The following ZNF707 variants were observed in gnomAD, a reference collection of about 807,000 sequenced individuals.
The protein encoded by ZNF707 is zinc finger protein 707.
A neutral mutation model predicts 13.3 loss-of-function variants in ZNF707; 8 were observed. The observed-to-expected ratio is 0.60, with a 90% CI of 0.35 to 1.09. ZNF707 has a LOEUF of 1.09. ZNF707 is among the 50% of genes least tolerant of loss of function. The pLI is 0.02. For synonymous variants in ZNF707, 225 were observed against 205.6 expected, an observed-to-expected ratio of 1.09 and a Z score of -0.81; for missense variants, 530 against 512.6, an observed-to-expected ratio of 1.03 and a Z score of -0.33.
At position 143,694,964 on chromosome 8, in the gene ZNF707, T is replaced by C. The variant is rs1478142918; in HGVS notation, c.*434T>C. On this transcript the variant is annotated 3_prime_UTR_variant, in exon 6 of 6. Coordinates refer to ENST00000358656, the MANE Select transcript of ZNF707 (RefSeq NM_001100598.2). The surrounding 1 kb of genome is among the most constrained non-coding windows in gnomAD (Gnocchi z 4.4). ...CCCATGCTGGCTGCCCGGTCTGGCT[T>C]CCCTTCTTGTCTCTGTCTTGGGCGA... The C allele has an allele frequency of 5.6e-6, 1 of 177,800 alleles. No homozygotes were observed. Among genetic ancestry groups the C allele is most frequent in the Non-Finnish European group, 1.2e-5 (1 of 85,086 alleles). The allele number at this position is 177,800 out of a possible 1,614,324, so 11.0% of individuals were successfully genotyped here.
rs200043132 is a variant in ZNF707, at chr8:143,693,659, T to A, written c.257-12T>A. The A allele has an allele frequency of 1.9e-4, 294 of 1,561,646 alleles. 2 individuals are homozygous for A. In the East Asian group the frequency reaches 6.5e-3, roughly 35 times the overall value. ...CACTGGCTCTGTGTAAGGGTGTCTGTTCCTTCCACAGGGGCAAGGAAGTCT... is the reference window on the plus strand; with the variant it reads ...CACTGGCTCTGTGTAAGGGTGTCTGATCCTTCCACAGGGGCAAGGAAGTCT... On this transcript the variant is annotated splice_polypyrimidine_tract_variant and intron_variant, in intron 5 of 5. Transcript: ENST00000358656. This position sits in a 1 kb window ranked among gnomAD's most constrained non-coding sequence, Gnocchi z 4.1.
chr8:143,694,879 A>T lies in ZNF707; in HGVS notation c.*349A>T. ...CCTGGTGCCCACAGCCGTCTGGCTC[A>T]GGGACTCCACCCTGGCCCCGAGTCG... On this transcript the variant is annotated 3_prime_UTR_variant, in exon 6 of 6. Transcript: ENST00000358656. The surrounding 1 kb of genome is among the most constrained non-coding windows in gnomAD (Gnocchi z 4.4). 1 of 255,444 alleles carries T rather than the reference A, an allele frequency of 3.9e-6. No individual in the cohort carries two copies. Among genetic ancestry groups the T allele is most frequent in the Admixed American group, 5.0e-5 (1 of 19,964 alleles). 15.8% of individuals were successfully genotyped at this position (255,444 alleles called of 1,614,324 possible).
intron 1 of ZNF707, chr8:143,687,465 A>G (rs909752878): frequency 6.6e-6 from 1 of 152,252 alleles, no homozygotes; most frequent in Non-Finnish European, 1.5e-5. Flanking sequence ...CTTCCCAAGT[A>G]GCTGGGATGA....
At chr8:143,685,782 G>T (rs1238830192) in intron 1 of ZNF707, among the ~76,000 whole-genome samples, 1 of 152,178 alleles carries the variant, frequency 6.6e-6, no homozygotes, top group Non-Finnish European at 1.5e-5. Flanking sequence ...GGTCGAGGCT[G>T]CAGTGAGCTG....
intron 1 of ZNF707, among the ~76,000 whole-genome samples, chr8:143,687,229 C>T (rs1322066954): frequency 6.6e-6 from 1 of 150,782 alleles, no homozygotes; most frequent in Admixed American, 6.6e-5. Flanking sequence ...GTTTGTCTAC[C>T]CCAATGTTGT....
At position 143,693,032 on chromosome 8, in the gene ZNF707, G is replaced by C. The variant is rs896057020; in HGVS notation, c.257-639G>C. On this transcript the variant is annotated intron_variant, in intron 5 of 5. Transcript: ENST00000358656. The surrounding 1 kb of genome is among the most constrained non-coding windows in gnomAD (Gnocchi z 4.1). The stretch of plus-strand genomic sequence containing the variant: ...GCCTGCTGGCGTGGACAGGGTGAAA[G>C]GACATTCTCTTGGCCCAGTTGCTTC... 2.4e-4 allele frequency among the ~76,000 whole-genome samples: 36 copies of C among 152,274 alleles called. No homozygotes were observed. Among genetic ancestry groups the C allele is most frequent in the African/African-American group, 8.7e-4 (36 of 41,562 alleles).
Position 143,693,433 on chromosome 8 carries a change from G to A in ZNF707, c.257-238G>A, listed in dbSNP as rs545968102. ...CTCCCGAGTAGCTGGGACCACAGGC[G>A]CCCGCCACTGCGCCCGGCTAATTTT... is the stretch of plus-strand genomic sequence containing the variant. On this transcript the variant is annotated intron_variant, in intron 5 of 5. Coordinates refer to ENST00000358656, the MANE Select transcript of ZNF707 (RefSeq NM_001100598.2). This position sits in a 1 kb window ranked among gnomAD's most constrained non-coding sequence, Gnocchi z 4.1. 5.8e-3 allele frequency among the ~76,000 whole-genome samples: 875 copies of A among 151,024 alleles called. 2 individuals are homozygous for A. The highest frequency in any genetic ancestry group is 8.9e-3 in the Non-Finnish European group (599 of 67,638).
chr8:143,694,666 A>C lies in ZNF707; in HGVS notation c.*136A>C, dbSNP rs1817180020. The C allele has an allele frequency of 9.7e-7, 1 of 1,029,132 alleles. No homozygotes were observed. The highest frequency in any genetic ancestry group is 1.6e-5 in the African/African-American group (1 of 62,204). The allele number at this position is 1,029,132 out of a possible 1,614,324, so 63.8% of individuals were successfully genotyped here. A position where few individuals can be genotyped will look rare whatever the true frequency, so the allele number is the denominator to read the frequency against. ...GCCTTCTTAGTCCTCAGAGCTCCCCAGTCCCCCGAGAAGTTTACTGGGAAA... is the reference window on the plus strand; with the variant it reads ...GCCTTCTTAGTCCTCAGAGCTCCCCCGTCCCCCGAGAAGTTTACTGGGAAA... On this transcript the variant is annotated 3_prime_UTR_variant, in exon 6 of 6. Coordinates refer to ENST00000358656, the MANE Select transcript of ZNF707 (RefSeq NM_001100598.2). This position sits in a 1 kb window ranked among gnomAD's most constrained non-coding sequence, Gnocchi z 4.4.
intron 1 of ZNF707, among the ~76,000 whole-genome samples, chr8:143,686,606 T>C (rs1816296204): frequency 6.6e-6 from 1 of 152,216 alleles, no homozygotes; most frequent in Middle Eastern, 3.2e-3. Context: ...AAGTCCTTTG[T>C]CAGATACATG....
At position 143,693,826 on chromosome 8, in the gene ZNF707, C is replaced by G; in HGVS notation, c.412C>G (p.Pro138Ala). The change falls in exon 6 of 6, where the codon CCA becomes GCA. Residue 138 changes from proline to alanine, a missense_variant. By Grantham distance (27) the Pro-to-Ala change is conservative (BLOSUM62 -1). Coordinates refer to ENST00000358656, the MANE Select transcript of ZNF707 (RefSeq NM_001100598.2). The surrounding 1 kb of genome is among the most constrained non-coding windows in gnomAD (Gnocchi z 4.1). Reference sequence around the variant, plus strand: ...TGACGGGCAGCTTCCCAGAGCTGCTCCAGAAAGGACAGACGCCAAGCCCAC... The same window carrying G: ...TGACGGGCAGCTTCCCAGAGCTGCTGCAGAAAGGACAGACGCCAAGCCCAC... The part of the protein sequence containing the change: ...TDDGQLPRAA[P>A]ERTDAKPTAF... The G allele has an allele frequency of 1.9e-6, 3 of 1,612,564 alleles. No homozygotes were observed. Among genetic ancestry groups the G allele is most frequent in the Non-Finnish European group, 2.5e-6 (3 of 1,179,740 alleles).
At chr8:143,686,464 T>C (rs1554612040) in intron 1 of ZNF707, among the ~76,000 whole-genome samples, 1 of 152,224 alleles carries the variant, frequency 6.6e-6, no homozygotes, top group Non-Finnish European at 1.5e-5. Flanking sequence ...ATGACCCATG[T>C]GCTCAGTGTG....
chr8:143,695,303 TAAA>T lies in ZNF707; in HGVS notation c.*776_*778del, dbSNP rs1222008018. 6.6e-6 allele frequency: 1 copy of T among 152,176 alleles called. No individual in the cohort carries two copies. The highest frequency in any genetic ancestry group is 2.4e-5 in the African/African-American group (1 of 41,424). The allele number at this position is 152,176 out of a possible 1,614,324, so 9.4% of individuals were successfully genotyped here. On this transcript the variant is annotated 3_prime_UTR_variant, in exon 6 of 6. Transcript: ENST00000358656. ...AGGTGTCTGCTTATCCAGCCAGAAA[TAAA>T]AATCTGCCAGTGGTGTTCCCAAGGG...
chr8:143,689,648 G>C (rs1554612978), intron 2 of ZNF707, among the ~76,000 whole-genome samples: 1 of 152,220 alleles, frequency 6.6e-6, no homozygotes, highest in East Asian at 1.9e-4. Flanking sequence ...CTGGCACAGT[G>C]CTGTGGGAAC....
chr8:143,692,290 G>A (rs1563728342), intron 5 of ZNF707: 5 of 1,289,842 alleles, frequency 3.9e-6, no homozygotes, highest in East Asian at 1.1e-4. Context: ...GGAGGTCCCC[G>A]GGTATGTGGA....
chr8:143,690,161 C>T, intron 3 of ZNF707, 38 bp downstream of exon 3: 1 of 1,600,722 alleles, frequency 6.2e-7, no homozygotes, highest in Non-Finnish European at 8.5e-7. Context: ...CTCCCTTCTG[C>T]CCTGCTGGCT....
chr8:143,684,973 G>A (rs1337597637), intron 1 of ZNF707: 1 of 152,116 alleles, frequency 6.6e-6, no homozygotes, highest in Non-Finnish European at 1.5e-5. Flanking sequence ...CCCACCCTCT[G>A]GTCCTCCCAG....
chr8:143,692,033 T>C (rs1473724356), intron 5 of ZNF707: 2 of 1,400,668 alleles, frequency 1.4e-6, no homozygotes, highest in East Asian at 7.2e-5. Flanking sequence ...AGGCCATTGG[T>C]GTGGGTGTCT....
At position 143,694,035 on chromosome 8, in the gene ZNF707, C is replaced by A; in HGVS notation, c.621C>A (p.Pro207=). The change falls in exon 6 of 6, where the codon CCC becomes CCA. Residue 207 remains proline, a synonymous_variant. Coordinates refer to ENST00000358656, the MANE Select transcript of ZNF707 (RefSeq NM_001100598.2). This position sits in a 1 kb window ranked among gnomAD's most constrained non-coding sequence, Gnocchi z 4.4. ...VHTGTKAFEC[P]ECGQTFRWAS... is the part of the protein sequence containing the mutation. ...CGGGAACCAAGGCCTTCGAGTGCCC[C>A]GAGTGCGGCCAGACCTTCCGGTGGG... is the stretch of plus-strand genomic sequence containing the variant. 1 of 1,606,458 alleles carries A rather than the reference C, an allele frequency of 6.2e-7. No homozygotes were observed. Among genetic ancestry groups the A allele is most frequent in the East Asian group, 2.2e-5 (1 of 44,696 alleles).
rs1411640424 is a variant in ZNF707 at position 143,693,212 on chromosome 8, A to C, written c.257-459A>C. ...TTTCTTTGAACGAGTTTTCCTGATCACTCGTAACCATGTGGAATGAGCTGA... is the reference window on the plus strand; with the variant it reads ...TTTCTTTGAACGAGTTTTCCTGATCCCTCGTAACCATGTGGAATGAGCTGA... On this transcript the variant is annotated intron_variant, in intron 5 of 5. Transcript: ENST00000358656. This position sits in a 1 kb window ranked among gnomAD's most constrained non-coding sequence, Gnocchi z 4.1. Among the ~76,000 whole-genome samples the C allele has an allele frequency of 2.0e-5, 3 of 150,150 alleles. No individual in the cohort carries two copies. Among genetic ancestry groups the C allele is most frequent in the Non-Finnish European group, 4.4e-5 (3 of 67,698 alleles).
Sources: gnomAD v4.1 joint callset for allele counts (sites outside exome capture counted in the v4.1 genomes callset) on GRCh38, gnomAD v4.1.1 for gene constraint, Gnocchi (gnomAD v3.1) non-coding constraint, MANE v1.5 for transcripts, NCBI Gene and HGNC (gene_info 2026-07-23, HGNC 2026-07-21) for gene names.